Variants in PCDHGA1 observed in about 807,000 individuals in gnomAD.
The protein encoded by PCDHGA1 is protocadherin gamma-A1.
Under a neutral mutation model 58.0 loss-of-function variants are expected in PCDHGA1, and 32 were observed. That is an observed-to-expected ratio of 0.55 (90% CI 0.42 to 0.74). The LOEUF is 0.74. Ranked by LOEUF, PCDHGA1 falls within the 30% of genes least tolerant of loss-of-function variation. The pLI is 0.00. For synonymous variants in PCDHGA1, 498 were observed against 501.1 expected (o/e 0.99, Z 0.08); for missense variants, 1,205 against 1,182.3 (o/e 1.02, Z -0.28).
At chr5:141,501,510 T>G (rs11744379) in intron 2 of PCDHGA1, among the ~76,000 whole-genome samples, 29,206 of 151,772 alleles carry the variant, frequency 0.19, 2,837 homozygotes, top group Middle Eastern at 0.24. Context: ...CTCCAAGGCC[T>G]CCAAGCTGAA....
Position 141,511,042 on chromosome 5 carries a change from G to C in PCDHGA1, c.2665G>C (p.Asp889His), listed in dbSNP as rs774071540. Residue 889 changes from aspartate (D) to histidine (H), a missense_variant, in exon 4 of 4, where the codon GAC becomes CAC. Transcript: ENST00000517417. Reference sequence around the variant, plus strand: ...CCAGTTCACCCTGCAGCACGTGCCCGACTACCGCCAGAATGTCTACATCCC... The same window carrying C: ...CCAGTTCACCCTGCAGCACGTGCCCCACTACCGCCAGAATGTCTACATCCC... ...GPQFTLQHVP[D>H]YRQNVYIPGS... 6.2e-7 allele frequency: 1 copy of C among 1,614,182 alleles called. No homozygotes were observed. Among genetic ancestry groups the C allele is most frequent in the South Asian group, 1.1e-5 (1 of 91,084 alleles).
intron 1 of PCDHGA1, among the ~76,000 whole-genome samples, chr5:141,397,819 A>G (rs1159682049): frequency 6.6e-6 from 1 of 152,240 alleles, no homozygotes; most frequent in African/African-American, 2.4e-5. Flanking sequence ...AAAAACAATT[A>G]CTGCACTGGT....
intron 1 of PCDHGA1, chr5:141,393,608 A>G: frequency 6.2e-7 from 1 of 1,613,986 alleles, no homozygotes; most frequent in Non-Finnish European, 8.5e-7. Context: ...TTACTGTAAC[A>G]GCCAGCGACC....
chr5:141,394,136 C>A, intron 1 of PCDHGA1: 3 of 1,613,956 alleles, frequency 1.9e-6, no homozygotes, highest in Non-Finnish European at 2.5e-6. Flanking sequence ...TCGCTCTGCA[C>A]GTGGCAGACA....
At chr5:141,383,391 G>A (rs764733462) in intron 1 of PCDHGA1, 7 of 1,613,978 alleles carry the variant, frequency 4.3e-6, no homozygotes. Context: ...ATGTGGGCAC[G>A]AACTCCCTCC....
chr5:141,461,921 T>G (rs2099026403), intron 1 of PCDHGA1, among the ~76,000 whole-genome samples: 1 of 152,222 alleles, frequency 6.6e-6, no homozygotes, highest in Non-Finnish European at 1.5e-5. Flanking sequence ...CCTCCTGGGT[T>G]CCAGCAATTC....
In PCDHGA1 at chr5:141,476,948, G is replaced by T; in HGVS notation, c.2422-17859G>T. 6.2e-7 allele frequency: 1 copy of T among 1,614,180 alleles called. No individual in the cohort carries two copies. On this transcript the variant is annotated intron_variant, in intron 1 of 3. Transcript: ENST00000517417. The surrounding 1 kb of genome is among the most constrained non-coding windows in gnomAD (Gnocchi z 7.6). ...GGATCTGGATGAAGGCCCCAACGGTGAAATTATTTACTCCTTCGGCAGCCA... is the reference window on the plus strand; with the variant it reads ...GGATCTGGATGAAGGCCCCAACGGTTAAATTATTTACTCCTTCGGCAGCCA...
chr5:141,420,460 A>G lies in PCDHGA1; in HGVS notation c.2422-74347A>G, dbSNP rs946386638. On this transcript the variant is annotated intron_variant, in intron 1 of 3. Coordinates refer to ENST00000517417, the MANE Select transcript of PCDHGA1 (RefSeq NM_018912.3). ...AATGCCTCAGTCTTCCTACTATTCA[A>G]AGACATTTTAAAGCAAACTACATGG... The G allele has an allele frequency of 3.4e-6, 3 of 889,944 alleles. No individual in the cohort carries two copies. The African/African-American group carries it at 5.2e-5, about 16-fold the overall frequency. 55.1% of individuals were successfully genotyped at this position (889,944 alleles called of 1,614,324 possible).
chr5:141,497,877 G>C (rs1057284578), intron 2 of PCDHGA1, among the ~76,000 whole-genome samples: 6 of 152,148 alleles, frequency 3.9e-5, no homozygotes, highest in Admixed American at 2.6e-4. Context: ...AGTGAAATAA[G>C]CGTTAGGATC....
chr5:141,353,819 G>A (rs149485600), intron 1 of PCDHGA1, among the ~76,000 whole-genome samples: 40 of 152,124 alleles, frequency 2.6e-4, no homozygotes, highest in African/African-American at 9.2e-4. Context: ...TCAATCATCC[G>A]CAGTTTGTGC....
chr5:141,369,686 T>A (rs1449801725), intron 1 of PCDHGA1, among the ~76,000 whole-genome samples: 1 of 152,156 alleles, frequency 6.6e-6, no homozygotes, highest in Non-Finnish European at 1.5e-5. Context: ...AAACATAGAA[T>A]AAAACTAAAA....
chr5:141,393,794 T>C, intron 1 of PCDHGA1: 1 of 1,613,934 alleles, frequency 6.2e-7, no homozygotes, highest in South Asian at 1.1e-5. Flanking sequence ...TGGGGGCACT[T>C]CTGGGGAGGA....
chr5:141,387,947 G>C (rs1240846942), intron 1 of PCDHGA1: 25 of 1,484,496 alleles, frequency 1.7e-5, no homozygotes, highest in Non-Finnish European at 2.2e-5. Context: ...TTCTCTTCCT[G>C]CTGTCTTTGT....
At chr5:141,373,996 C>A in intron 1 of PCDHGA1, 1 of 1,266,244 alleles carries the variant, frequency 7.9e-7, no homozygotes, top group South Asian at 2.2e-5. Context: ...TGTTGAAGGA[C>A]CTTCACCGCT....
chr5:141,404,075 G>C (rs2154534954), intron 1 of PCDHGA1: 2 of 1,613,660 alleles, frequency 1.2e-6, no homozygotes, highest in East Asian at 2.2e-5. Flanking sequence ...TCATGACCGA[G>C]ACTCCGGGAA....
At chr5:141,421,894 C>A in intron 1 of PCDHGA1, 3 of 1,613,704 alleles carry the variant, frequency 1.9e-6, no homozygotes, top group Non-Finnish European at 2.5e-6. Context: ...CGATCCCATC[C>A]GAAAGGGCGC....
intron 1 of PCDHGA1, chr5:141,340,591 T>C: frequency 6.2e-7 from 1 of 1,614,146 alleles, no homozygotes; most frequent in Non-Finnish European, 8.5e-7. Flanking sequence ...GCGGGAACCC[T>C]CCACTCAGTA....
Position 141,334,550 on chromosome 5 carries a change from G to T in PCDHGA1, c.2421+1445G>T. On this transcript the variant is annotated intron_variant, in intron 1 of 3. Coordinates refer to ENST00000517417, the MANE Select transcript of PCDHGA1 (RefSeq NM_018912.3). The surrounding 1 kb of genome is among the most constrained non-coding windows in gnomAD (Gnocchi z 4.6). ...GAGCCCAGGAAGTCAAGGCTTCAGC[G>T]AACCGTGATCGCGCCACTGCCCTCC... is the stretch of plus-strand genomic sequence containing the variant. The T allele has an allele frequency of 6.6e-6, 1 of 152,368 alleles. No homozygotes were observed. The highest frequency in any genetic ancestry group is 2.1e-4 in the South Asian group (1 of 4,858). 9.4% of individuals were successfully genotyped at this position (152,368 alleles called of 1,614,324 possible).
chr5:141,444,722 C>T (rs72790051), intron 1 of PCDHGA1, among the ~76,000 whole-genome samples: 3,290 of 152,024 alleles, frequency 0.022, 51 homozygotes, highest in South Asian at 0.038. Flanking sequence ...TGCTTGGTGC[C>T]TTTGTTGAAA....
Sources: allele counts gnomAD v4.1 joint callset (sites outside exome capture counted in the v4.1 genomes callset), GRCh38; gene constraint gnomAD v4.1.1; non-coding constraint Gnocchi (gnomAD v3.1); transcripts MANE v1.5; gene names NCBI Gene and HGNC (gene_info 2026-07-23, HGNC 2026-07-21).